Variants in KIT observed in about 807,000 individuals in gnomAD.
KIT encodes the protein mast/stem cell growth factor receptor Kit.
A neutral mutation model predicts 105.7 loss-of-function variants in KIT; 16 were observed. That is an observed-to-expected ratio of 0.15 (90% CI 0.10 to 0.23). The LOEUF (loss-of-function observed/expected upper bound fraction) is 0.23. KIT is among the 10% of genes least tolerant of loss of function. The pLI is 1.00. For missense variants in KIT, 858 were observed against 1,213.8 expected (o/e 0.71, Z 4.36); for synonymous variants, 438 against 441.1 (o/e 0.99, Z 0.09).
chr4:54,699,647 G>C lies in KIT; in HGVS notation c.637G>C (p.Val213Leu), dbSNP rs1720322197. 6.2e-7 allele frequency: 1 copy of C among 1,614,044 alleles called. No homozygotes were observed. Among genetic ancestry groups the C allele is most frequent in the Non-Finnish European group, 8.5e-7 (1 of 1,179,904 alleles). ...KVRPAFKAVP[V>L]VSVSKASYLL... ...CATTCTAGCCTTCAAAGCTGTGCCT[G>C]TTGTGTCTGTGTCCAAAGCAAGCTA... The change falls in exon 4 of 21, where the codon GTT becomes CTT. Residue 213 changes from valine to leucine, a missense_variant. Coordinates refer to ENST00000288135, the MANE Select transcript of KIT (RefSeq NM_000222.3).
Position 54,727,244 on chromosome 4 carries a change from A to G in KIT, c.1567A>G (p.Thr523Ala), listed in dbSNP as rs1326565450. The G allele has an allele frequency of 6.2e-7, 1 of 1,613,720 alleles. No individual in the cohort carries two copies. The highest frequency in any genetic ancestry group is 2.2e-5 in the East Asian group (1 of 44,846). The stretch of plus-strand genomic sequence containing the variant: ...GCAAATCCATCCCCACACCCTGTTC[A>G]CTCCTTTGCTGATTGGTTTCGTAAT... ...KEQIHPHTLF[T>A]PLLIGFVIVA... Residue 523 changes from threonine (T) to alanine (A), a missense_variant, in exon 10 of 21, where the codon ACT becomes GCT. By Grantham distance (58) the Thr-to-Ala change is moderately conservative. Around this residue, in one of 7 missense-constraint regions of KIT, gnomAD observed 78 missense variants for 77.6 expected, o/e 1.01. Transcript: ENST00000288135.
chr4:54,684,172 TGGGTGGGGTG>T (rs149224408), intron 1 of KIT, among the ~76,000 whole-genome samples: 9 of 140,888 alleles, frequency 6.4e-5, no homozygotes, highest in African/African-American at 1.0e-4. Flanking sequence ...CAGAGGTGTG[TGGGTGGGGTG>T]GGGTGGGGTG....
At chr4:54,716,685 G>A (rs745625399) in intron 7 of KIT, among the ~76,000 whole-genome samples, 31 of 152,138 alleles carry the variant, frequency 2.0e-4, no homozygotes, top group Non-Finnish European at 4.6e-4. Context: ...AGACATCCAG[G>A]AGCGAGGCGG....
Position 54,736,486 on chromosome 4 carries a change from C to A in KIT, c.2485-12C>A, listed in dbSNP as rs768968324. On this transcript the variant is annotated splice_polypyrimidine_tract_variant and intron_variant, in intron 17 of 20. Coordinates refer to ENST00000288135, the MANE Select transcript of KIT (RefSeq NM_000222.3). ...AATTAACATTATTGACTCTGTTGTG[C>A]TTCTATTACAGGCTCGACTACCTGT... 1.3e-6 allele frequency: 2 copies of A among 1,569,362 alleles called. No homozygotes were observed. Among genetic ancestry groups the A allele is most frequent in the Non-Finnish European group, 1.8e-6 (2 of 1,139,432 alleles).
chr4:54,668,745 C>T (rs1442519502), intron 1 of KIT, among the ~76,000 whole-genome samples: 1 of 152,190 alleles, frequency 6.6e-6, no homozygotes, highest in Non-Finnish European at 1.5e-5. Flanking sequence ...TTCTACTTGG[C>T]TAGTGCACAC....
chr4:54,676,218 A>G (rs575519266), intron 1 of KIT, among the ~76,000 whole-genome samples: 9 of 152,248 alleles, frequency 5.9e-5, no homozygotes, highest in African/African-American at 2.2e-4. Context: ...GGGACTTGTT[A>G]GAAATGCAAA....
chr4:54,666,110 C>T lies in KIT; in HGVS notation c.67+8029C>T, dbSNP rs1717669164. Among the ~76,000 whole-genome samples the T allele has an allele frequency of 2.0e-5, 3 of 152,136 alleles. No homozygotes were observed. The South Asian group carries it at 6.2e-4, about 32-fold the overall frequency. ...TGGGAAATAGGTCCTTTGAAAGCAA[C>T]TTAAAGAAATTGGATTTATTAAGCC... On this transcript the variant is annotated intron_variant, in intron 1 of 20. Coordinates refer to ENST00000288135, the MANE Select transcript of KIT (RefSeq NM_000222.3).
chr4:54,674,143 T>C (rs140209219), intron 1 of KIT, among the ~76,000 whole-genome samples: 20 of 152,206 alleles, frequency 1.3e-4, no homozygotes, highest in Non-Finnish European at 2.5e-4. Context: ...TTTTTTTTTG[T>C]CCCTACCCAC....
chr4:54,696,040 C>T, intron 2 of KIT: 1 of 532,868 alleles, frequency 1.9e-6, no homozygotes, highest in Non-Finnish European at 3.4e-6. Context: ...CCCATTTGTG[C>T]TGGTGCTTTG....
intron 7 of KIT, among the ~76,000 whole-genome samples, chr4:54,717,261 A>T (rs1245666306): frequency 4.6e-5 from 7 of 152,206 alleles, no homozygotes. Flanking sequence ...AAAATTTAGC[A>T]GATGTAGCTC....
chr4:54,704,553 T>C (rs551625840), intron 5 of KIT, among the ~76,000 whole-genome samples: 1 of 152,286 alleles, frequency 6.6e-6, no homozygotes, highest in African/African-American at 2.4e-5. Context: ...TTATCTTCTC[T>C]ACTCTAGAAA....
At chr4:54,670,272 T>G (rs1718016322) in intron 1 of KIT, among the ~76,000 whole-genome samples, 1 of 152,226 alleles carries the variant, frequency 6.6e-6, no homozygotes, top group Admixed American at 6.5e-5. Flanking sequence ...GGACTGGAGA[T>G]TCTGCCCCTC....
At chr4:54,668,197 C>G (rs1717838485) in intron 1 of KIT, among the ~76,000 whole-genome samples, 2 of 152,126 alleles carry the variant, frequency 1.3e-5, no homozygotes, top group Non-Finnish European at 2.9e-5. Flanking sequence ...ACACTGGTGG[C>G]TGCCCTCCCC....
intron 1 of KIT, among the ~76,000 whole-genome samples, chr4:54,659,505 A>G (rs1717083534): frequency 6.6e-6 from 1 of 152,174 alleles, no homozygotes; most frequent in African/African-American, 2.4e-5. Context: ...GAGACTGTCG[A>G]CTACCGGTCA....
At chr4:54,658,298 C>T (rs1450206577) in intron 1 of KIT, among the ~76,000 whole-genome samples, 6 of 152,014 alleles carry the variant, frequency 3.9e-5, no homozygotes, top group East Asian at 2.0e-4. Flanking sequence ...TGGTGGGGGA[C>T]GCGAATCCGG....
intron 6 of KIT, among the ~76,000 whole-genome samples, chr4:54,707,827 C>T (rs1482833282): frequency 1.3e-5 from 2 of 152,050 alleles, no homozygotes; most frequent in Non-Finnish European, 2.9e-5. Context: ...GTGTATTCAC[C>T]CACTGACCTG....
chr4:54,715,397 T>C (rs1256852970), intron 7 of KIT, among the ~76,000 whole-genome samples: 1 of 148,672 alleles, frequency 6.7e-6, no homozygotes, highest in East Asian at 2.0e-4. Flanking sequence ...TGCCCGGGGC[T>C]GGGTGATTTA....
intron 1 of KIT, among the ~76,000 whole-genome samples, chr4:54,666,384 A>G (rs531413567): frequency 4.6e-4 from 70 of 152,066 alleles, no homozygotes; most frequent in Non-Finnish European, 6.6e-4. Context: ...GGTTCAAGTG[A>G]TTCTCCTGCC....
rs2109802162 is a variant in KIT at position 54,733,199 on chromosome 4, ACCCATT to A, written c.2484+9_2484+14del. 3.7e-6 allele frequency: 6 copies of A among 1,611,916 alleles called. No individual in the cohort carries two copies. The highest frequency in any genetic ancestry group is 5.1e-6 in the Non-Finnish European group (6 of 1,178,648). On this transcript the variant is annotated splice_region_variant and intron_variant, in intron 17 of 20. Transcript: ENST00000288135. Reference sequence around the variant, plus strand: ...TTATGTGGTTAAAGGAAACGTGAGTACCCATTCTCTGCTTGACAGTCCTGCAAAGGA... The same window carrying A: ...TTATGTGGTTAAAGGAAACGTGAGTACTCTGCTTGACAGTCCTGCAAAGGA...
Sources: gnomAD v4.1 joint callset for allele counts (sites outside exome capture counted in the v4.1 genomes callset) on GRCh38, gnomAD v4.1.1 for gene constraint, gnomAD v4.1.1 regional missense constraint, MANE v1.5 for transcripts, NCBI Gene and HGNC (gene_info 2026-07-23, HGNC 2026-07-21) for gene names.